The following NEGR1 variants were observed in gnomAD, a reference collection of about 807,000 sequenced individuals.
NEGR1 encodes the protein IgLON family member 4.
A neutral mutation model predicts 40.9 loss-of-function variants in NEGR1; 10 were observed. That is an observed-to-expected ratio of 0.24 (90% CI 0.15 to 0.42). The LOEUF is 0.42. NEGR1 is among the 10% of genes least tolerant of loss of function. The probability of loss-of-function intolerance (pLI) is 1.00; values close to 1 mark genes in which losing one functional copy is unlikely to be tolerated. For synonymous variants in NEGR1, 185 were observed against 166.8 expected (o/e 1.11, Z -0.84); for missense variants, 352 against 438.9 (o/e 0.80, Z 1.77).
At chr1:71,576,876 A>C (rs1000317554) in intron 6 of NEGR1, among the ~76,000 whole-genome samples, 6 of 152,214 alleles carry the variant, frequency 3.9e-5, no homozygotes, top group African/African-American at 1.4e-4. Flanking sequence ...ACCTTGGACC[A>C]AAAAATAACC....
intron 1 of NEGR1, among the ~76,000 whole-genome samples, chr1:72,248,139 G>C (rs1344845877): frequency 6.6e-6 from 1 of 152,126 alleles, no homozygotes; most frequent in Non-Finnish European, 1.5e-5. Context: ...CCCACTTCCA[G>C]CACTGAGGAT....
chr1:71,712,716 C>T (rs1350763389), intron 3 of NEGR1, among the ~76,000 whole-genome samples: 1 of 152,102 alleles, frequency 6.6e-6, no homozygotes, highest in Non-Finnish European at 1.5e-5. Context: ...GGTATCCCTG[C>T]CCAAATTTCA....
At chr1:72,058,907 A>AT (rs1647139633) in intron 1 of NEGR1, among the ~76,000 whole-genome samples, 1 of 151,650 alleles carries the variant, frequency 6.6e-6, no homozygotes, top group South Asian at 2.1e-4. Context: ...TGTATGTGTA[A>AT]TATTAAAAAT....
At chr1:71,737,377 C>T (rs573237700) in intron 3 of NEGR1, among the ~76,000 whole-genome samples, 78 of 147,182 alleles carry the variant, frequency 5.3e-4, no homozygotes, top group African/African-American at 1.9e-3. Flanking sequence ...GGAGGGAATG[C>T]TAATGTTGAC....
chr1:72,079,742 G>A (rs1647907168), intron 1 of NEGR1, among the ~76,000 whole-genome samples: 1 of 152,078 alleles, frequency 6.6e-6, no homozygotes, highest in South Asian at 2.1e-4. Context: ...CTACTATATG[G>A]AAGAGAATCT....
intron 4 of NEGR1, among the ~76,000 whole-genome samples, chr1:71,632,425 T>A (rs1388136228): frequency 6.6e-6 from 1 of 151,308 alleles, no homozygotes; most frequent in Non-Finnish European, 1.5e-5. Context: ...AACATTACTC[T>A]TATGACAACA....
intron 6 of NEGR1, among the ~76,000 whole-genome samples, chr1:71,572,704 C>T (rs1648845882): frequency 6.6e-6 from 1 of 152,134 alleles, no homozygotes; most frequent in African/African-American, 2.4e-5. Flanking sequence ...CGTAAGTGTA[C>T]TAACCTACTC....
At chr1:71,473,612 A>T (rs1464720982) in intron 6 of NEGR1, among the ~76,000 whole-genome samples, 1 of 152,122 alleles carries the variant, frequency 6.6e-6, no homozygotes, top group Non-Finnish European at 1.5e-5. Context: ...AGTATTTACT[A>T]CAGATAGGGA....
intron 4 of NEGR1, among the ~76,000 whole-genome samples, chr1:71,614,221 A>G (rs544326683): frequency 2.6e-5 from 4 of 152,090 alleles, no homozygotes; most frequent in East Asian, 1.9e-4. Flanking sequence ...ACAAGATAAT[A>G]TAGATACACA....
chr1:72,114,785 C>G (rs562480311), intron 1 of NEGR1, among the ~76,000 whole-genome samples: 1 of 151,820 alleles, frequency 6.6e-6, no homozygotes, highest in Admixed American at 6.6e-5. Context: ...CTAATTGATT[C>G]CATTTCCTTC....
At position 71,935,243 on chromosome 1, in the gene NEGR1, C is replaced by A; in HGVS notation, c.245G>T (p.Gly82Val). ...LNRSSIIFAG[G>V]DKWSVDPRVS... ...TCGAGGATCCACTGACCACTTATCA[C>A]CTCCCGCAAAAATAATACTTGACCG... Residue 82 changes from glycine (G) to valine (V), a missense_variant, in exon 2 of 7, where the codon GGT (glycine) becomes GTT (valine). Around this residue, in one of 5 missense-constraint regions of NEGR1, gnomAD observed 30 missense variants for 64.4 expected, o/e 0.47. Coordinates refer to ENST00000357731, the MANE Select transcript of NEGR1 (RefSeq NM_173808.3). 1 of 1,614,014 alleles carries A rather than the reference C, an allele frequency of 6.2e-7. No homozygotes were observed. Among genetic ancestry groups the A allele is most frequent in the Non-Finnish European group, 8.5e-7 (1 of 1,179,958 alleles).
rs1049641779 is a variant in NEGR1 at position 71,915,100 on chromosome 1, CT to C, written c.409+19978del. The stretch of plus-strand genomic sequence containing the variant: ...CTGTTAGAGGCTACATCATGAAGTC[CT>C]TTTTTTTTAATGTTTTGTCAGGCTA... On this transcript the variant is annotated intron_variant, in intron 2 of 6. Coordinates refer to ENST00000357731, the MANE Select transcript of NEGR1 (RefSeq NM_173808.3). Among the ~76,000 whole-genome samples, 8 of 150,162 alleles carry C rather than the reference CT, an allele frequency of 5.3e-5. No individual in the cohort carries two copies. The East Asian group carries it at 7.8e-4, about 15-fold the overall frequency.
chr1:72,080,804 G>T (rs947420838), intron 1 of NEGR1, among the ~76,000 whole-genome samples: 1 of 151,982 alleles, frequency 6.6e-6, no homozygotes, highest in African/African-American at 2.4e-5. Flanking sequence ...GACTTTTACA[G>T]AAAAAAGCTA....
intron 5 of NEGR1, among the ~76,000 whole-genome samples, chr1:71,607,004 A>G (rs988086504): frequency 6.6e-6 from 1 of 152,220 alleles, no homozygotes; most frequent in Admixed American, 6.5e-5. Flanking sequence ...AGATAAATGA[A>G]TATTTATAAA....
chr1:72,253,270 T>C (rs1185276544), intron 1 of NEGR1, among the ~76,000 whole-genome samples: 1 of 152,146 alleles, frequency 6.6e-6, no homozygotes, highest in Non-Finnish European at 1.5e-5. Flanking sequence ...TTGGAAATAG[T>C]TGAAGAATTG....
chr1:71,554,576 C>CCT (rs1648192496), intron 6 of NEGR1, among the ~76,000 whole-genome samples: 1 of 151,318 alleles, frequency 6.6e-6, no homozygotes, highest in Non-Finnish European at 1.5e-5. Context: ...CCCTCCTGCA[C>CCT]CCTGTTTTTG....
intron 6 of NEGR1, among the ~76,000 whole-genome samples, chr1:71,553,448 T>C (rs1648151025): frequency 6.6e-6 from 1 of 151,530 alleles, no homozygotes; most frequent in African/African-American, 2.4e-5. Context: ...GTGGCTTACA[T>C]GTTAATGTAT....
At chr1:71,873,270 A>G (rs147728206) in intron 2 of NEGR1, among the ~76,000 whole-genome samples, 2 of 151,824 alleles carry the variant, frequency 1.3e-5, no homozygotes, top group African/African-American at 2.4e-5. Context: ...ATATAAATAC[A>G]TATATTAAAT....
At chr1:71,874,384 G>A (rs186889072) in intron 2 of NEGR1, among the ~76,000 whole-genome samples, 126 of 152,206 alleles carry the variant, frequency 8.3e-4, no homozygotes, top group African/African-American at 3.0e-3. Flanking sequence ...ATTTTTAGTT[G>A]TAAAATAGTA....
Sources: allele counts gnomAD v4.1 joint callset (sites outside exome capture counted in the v4.1 genomes callset), GRCh38; gene constraint gnomAD v4.1.1; regional missense constraint gnomAD v4.1.1; transcripts MANE v1.5; gene names NCBI Gene and HGNC (gene_info 2026-07-23, HGNC 2026-07-21).